Variants in ARHGEF11 observed in about 807,000 individuals in gnomAD.
ARHGEF11 encodes Rho guanine exchange factor (GEF) 11.
A neutral mutation model predicts 193.7 loss-of-function variants in ARHGEF11; 55 were observed. The observed-to-expected ratio is 0.28, with a 90% CI of 0.23 to 0.36. The LOEUF is 0.36. Among genes scored for constraint, ARHGEF11 ranks in the 10% least tolerant of loss-of-function variants. The pLI is 1.00. For missense variants in ARHGEF11, 1,723 were observed against 2,005.6 expected, an observed-to-expected ratio of 0.86 and a Z score of 2.69; for synonymous variants, 693 against 768.0, an observed-to-expected ratio of 0.90 and a Z score of 1.62.
At chr1:156,969,179 G>T in intron 10 of ARHGEF11, 103 bp downstream of exon 10, 1 of 901,566 alleles carries the variant, frequency 1.1e-6, no homozygotes. Context: ...CGATGGAAGA[G>T]GCACACAGAG....
intron 1 of ARHGEF11, among the ~76,000 whole-genome samples, chr1:156,994,893 C>T (rs1666264528): frequency 6.6e-6 from 1 of 152,174 alleles, no homozygotes; most frequent in African/African-American, 2.4e-5. Context: ...TTCACTGACA[C>T]CTCAAAGCTA....
At chr1:156,970,713 C>A (rs1662377096) in intron 8 of ARHGEF11, among the ~76,000 whole-genome samples, 1 of 152,190 alleles carries the variant, frequency 6.6e-6, no homozygotes. Flanking sequence ...ATCAACAGTG[C>A]AGTGGCAGCA....
rs1388340975 is a variant in ARHGEF11, at chr1:156,944,221, TTC to T, written c.3068-121_3068-120del. The T allele has an allele frequency of 2.8e-6, 4 of 1,427,708 alleles. No homozygotes were observed. In the East Asian group the frequency reaches 9.2e-5, roughly 33 times the overall value. The allele number at this position is 1,427,708 out of a possible 1,614,324, so 88.4% of individuals were successfully genotyped here. A position where few individuals can be genotyped will look rare whatever the true frequency, so the allele number is the denominator to read the frequency against. On this transcript the variant is annotated intron_variant, in intron 31 of 40. Coordinates refer to ENST00000368194, the MANE Select transcript of ARHGEF11 (RefSeq NM_198236.3). ...AGTCCTGGGAGTCTGGTGACCCCAT[TTC>T]TCTCTCTGATTATTCCCTTCCCATG... is the stretch of plus-strand genomic sequence containing the variant.
At chr1:157,000,006 C>G (rs1391615057) in intron 1 of ARHGEF11, among the ~76,000 whole-genome samples, 4 of 152,252 alleles carry the variant, frequency 2.6e-5, no homozygotes, top group African/African-American at 7.2e-5. Flanking sequence ...CTCTATCACA[C>G]AGGCTGGAGT....
At chr1:156,945,228 G>A in intron 29 of ARHGEF11, 31 bp from the exon 30 acceptor site, 2 of 1,600,750 alleles carry the variant, frequency 1.2e-6, no homozygotes, top group Non-Finnish European at 1.7e-6. Context: ...GATGGTTGGG[G>A]CTCCTGCCTG....
intron 5 of ARHGEF11, among the ~76,000 whole-genome samples, chr1:156,978,991 G>C (rs951547945): frequency 6.6e-6 from 1 of 152,242 alleles, no homozygotes; most frequent in African/African-American, 2.4e-5. Flanking sequence ...GCAAAGATGA[G>C]TGTGGGTAAA....
intron 1 of ARHGEF11, among the ~76,000 whole-genome samples, chr1:157,038,278 G>GGAGA (rs3048589): frequency 0.99 from 149,927 of 152,064 alleles, 73,952 homozygotes; most frequent in Middle Eastern, 1. Context: ...CCCAAATACT[G>GGAGA]GAAAGGAGCA....
At chr1:156,996,769 T>A (rs1240075529) in intron 1 of ARHGEF11, among the ~76,000 whole-genome samples, 2 of 68,676 alleles carry the variant, frequency 2.9e-5, no homozygotes, top group Admixed American at 3.3e-4. Flanking sequence ...CGAGACTCTG[T>A]CTCAAAAAAA....
At chr1:157,000,454 A>T (rs1419286457) in intron 1 of ARHGEF11, among the ~76,000 whole-genome samples, 1 of 152,236 alleles carries the variant, frequency 6.6e-6, no homozygotes, top group Admixed American at 6.5e-5. Flanking sequence ...TTATTGGCAC[A>T]AATAAAGGAC....
At chr1:156,995,583 T>C (rs1392485909) in intron 1 of ARHGEF11, among the ~76,000 whole-genome samples, 5 of 149,610 alleles carry the variant, frequency 3.3e-5, no homozygotes, top group African/African-American at 1.2e-4. Context: ...TGAGACAGGG[T>C]CTCACTCTGT....
intron 1 of ARHGEF11, among the ~76,000 whole-genome samples, chr1:156,988,871 T>C (rs982956350): frequency 1.5e-4 from 23 of 152,240 alleles, no homozygotes; most frequent in Admixed American, 1.2e-3. Context: ...GAAATGCCTA[T>C]GGAAGGCAGG....
chr1:156,988,439 ACTC>A (rs1268927035), intron 1 of ARHGEF11, among the ~76,000 whole-genome samples: 7 of 151,346 alleles, frequency 4.6e-5, no homozygotes, highest in Non-Finnish European at 8.8e-5. Context: ...CTGGGCTTGA[ACTC>A]CTCCTCCTTC....
chr1:157,022,167 T>C (rs771984670), intron 1 of ARHGEF11, among the ~76,000 whole-genome samples: 12 of 152,192 alleles, frequency 7.9e-5, no homozygotes, highest in South Asian at 2.1e-4. Flanking sequence ...TGTGCAACAA[T>C]GTGCTGAGTC....
intron 3 of ARHGEF11, among the ~76,000 whole-genome samples, chr1:156,981,497 G>A (rs1391989716): frequency 2.0e-5 from 3 of 152,110 alleles, no homozygotes; most frequent in Admixed American, 6.5e-5. Context: ...TTTGTTTTGA[G>A]ACTGTGTCTC....
chr1:156,991,802 C>T lies in ARHGEF11; in HGVS notation c.33-5629G>A, dbSNP rs1401233241. Among the ~76,000 whole-genome samples the T allele has an allele frequency of 1.1e-4, 16 of 139,950 alleles. No homozygotes were observed. The South Asian group carries it at 1.4e-3, about 12-fold the overall frequency. The allele number at this position is 139,950 out of a possible 152,430, so 91.8% of individuals were successfully genotyped here. A position where few individuals can be genotyped will look rare whatever the true frequency, so the allele number is the denominator to read the frequency against. ...CGGGATCTCGGCTCACTGCAAGCTCCGCCTCCCGGGTTCACGCCATTCTCC... is the reference window on the plus strand; with the variant it reads ...CGGGATCTCGGCTCACTGCAAGCTCTGCCTCCCGGGTTCACGCCATTCTCC... On this transcript the variant is annotated intron_variant, in intron 1 of 40. Coordinates refer to ENST00000368194, the MANE Select transcript of ARHGEF11 (RefSeq NM_198236.3).
At chr1:157,023,776 A>T (rs968409434) in intron 1 of ARHGEF11, among the ~76,000 whole-genome samples, 4 of 151,736 alleles carry the variant, frequency 2.6e-5, no homozygotes, top group African/African-American at 9.7e-5. Flanking sequence ...AAAAAAAAAA[A>T]AAAAAGATAA....
chr1:157,009,661 A>G (rs902342944), intron 1 of ARHGEF11, among the ~76,000 whole-genome samples: 1 of 152,236 alleles, frequency 6.6e-6, no homozygotes, highest in African/African-American at 2.4e-5. Context: ...ACTCTGAACC[A>G]TAATTTGATC....
intron 1 of ARHGEF11, among the ~76,000 whole-genome samples, chr1:157,009,073 C>T (rs116068045): frequency 0.011 from 1,655 of 152,276 alleles, 21 homozygotes; most frequent in Admixed American, 0.031. Context: ...CAGTATATCA[C>T]CTGTAGATAA....
chr1:156,995,896 G>A (rs1184435652), intron 1 of ARHGEF11, among the ~76,000 whole-genome samples: 2 of 151,912 alleles, frequency 1.3e-5, no homozygotes, highest in Admixed American at 6.6e-5. Context: ...GATAAACTTC[G>A]TGTATGTTGT....
Sources: allele counts gnomAD v4.1 joint callset (sites outside exome capture counted in the v4.1 genomes callset), GRCh38; gene constraint gnomAD v4.1.1; transcripts MANE v1.5; gene names NCBI Gene and HGNC (gene_info 2026-07-23, HGNC 2026-07-21).